The following EMC2 variants were observed in gnomAD, a reference collection of about 807,000 sequenced individuals.
The protein encoded by EMC2 is ER membrane protein complex subunit 2, also known as TPR repeat protein 35.
In EMC2, 37 loss-of-function variants were observed where a neutral mutation model predicts 51.6. The observed-to-expected ratio is 0.72, with a 90% CI of 0.55 to 0.94. EMC2 has a LOEUF of 0.94. Ranked by LOEUF, EMC2 falls within the 40% of genes least tolerant of loss-of-function variation. The pLI, the probability that EMC2 is intolerant of heterozygous loss-of-function variation, is 0.00. For missense variants in EMC2, 359 were observed against 350.9 expected (o/e 1.02, Z -0.18); for synonymous variants, 131 against 112.4 (o/e 1.17, Z -1.04).
intron 10 of EMC2, among the ~76,000 whole-genome samples, chr8:108,482,833 C>G (rs1221473142): frequency 6.6e-6 from 1 of 152,124 alleles, no homozygotes; most frequent in Non-Finnish European, 1.5e-5. Context: ...ATCCTCCTGT[C>G]TCAGCCTCCC....
At position 108,443,675 on chromosome 8, in the gene EMC2, A is replaced by T. The variant is rs1260677204; in HGVS notation, c.17A>T (p.Glu6Val). 2 of 1,610,014 alleles carry T rather than the reference A, an allele frequency of 1.2e-6. No individual in the cohort carries two copies. The highest frequency in any genetic ancestry group is 4.5e-5 in the East Asian group (2 of 44,718). The stretch of plus-strand genomic sequence containing the variant: ...TCTGGGAAGATGGCGAAGGTCTCAG[A>T]GCTTTACGATGTCACTTGGGAAGGT... MAKVSELYDVTWEEMR... is the reference protein window; with the variant it reads MAKVSVLYDVTWEEMR... The change falls in exon 1 of 11, where the codon GAG becomes GTG. Residue 6 changes from glutamate (E) to valine (V), a missense_variant. By Grantham distance (121) the Glu-to-Val change is moderately radical. Coordinates refer to ENST00000220853, the MANE Select transcript of EMC2 (RefSeq NM_014673.5).
chr8:108,462,976 A>T (rs7014792), intron 5 of EMC2, among the ~76,000 whole-genome samples: 103,682 of 151,768 alleles, frequency 0.68, 35,941 homozygotes, highest in African/African-American at 0.81. Flanking sequence ...TTCATTTCTC[A>T]TCTGATAAAG....
intron 1 of EMC2, among the ~76,000 whole-genome samples, chr8:108,444,123 T>C (rs1445832550): frequency 1.3e-5 from 2 of 152,254 alleles, no homozygotes; most frequent in Non-Finnish European, 2.9e-5. Context: ...ATTACAGCTC[T>C]GTGCAGAAAA....
chr8:108,457,688 C>T (rs747983544), intron 5 of EMC2, among the ~76,000 whole-genome samples: 2 of 152,130 alleles, frequency 1.3e-5, no homozygotes, highest in Non-Finnish European at 2.9e-5. Flanking sequence ...TCAGTCACCT[C>T]CCACTGGGTT....
Position 108,476,827 on chromosome 8 carries a change from A to C in EMC2, c.637A>C (p.Lys213Gln), listed in dbSNP as rs1488583664. Residue 213 changes from lysine to glutamine, a missense_variant, in exon 9 of 11, where the codon AAG becomes CAG. Transcript: ENST00000220853. ...ACTTGAAAACCTCGAACTTTCAAGA[A>C]AGTATTTTGCACAGGCATTGAAACT... ...GGLENLELSR[K>Q]YFAQALKLNN... 1.2e-6 allele frequency: 2 copies of C among 1,608,512 alleles called. No individual in the cohort carries two copies. Among genetic ancestry groups the C allele is most frequent in the Non-Finnish European group, 1.7e-6 (2 of 1,175,674 alleles).
intron 1 of EMC2, among the ~76,000 whole-genome samples, chr8:108,448,486 T>A (rs1219402621): frequency 6.6e-6 from 1 of 152,188 alleles, no homozygotes; most frequent in African/African-American, 2.4e-5. Context: ...CATGCTGTTC[T>A]CATTATAGTG....
At chr8:108,471,112 C>T (rs913221464) in intron 7 of EMC2, 3 of 151,880 alleles carry the variant, frequency 2.0e-5, no homozygotes, top group Non-Finnish European at 4.4e-5. Context: ...CTGCTATACT[C>T]TGAAACAGAT....
intron 7 of EMC2, 26 bp from the exon 8 acceptor site, chr8:108,475,856 A>T: frequency 7.2e-7 from 1 of 1,392,646 alleles, no homozygotes; most frequent in Non-Finnish European, 1.0e-6. Context: ...TTTAAAAATT[A>T]ATTTCTCCTC....
At chr8:108,447,850 G>A (rs1305122890) in intron 1 of EMC2, among the ~76,000 whole-genome samples, 2 of 152,102 alleles carry the variant, frequency 1.3e-5, no homozygotes, top group Non-Finnish European at 2.9e-5. Flanking sequence ...TAAAATGAAA[G>A]TTTTAAGCCA....
chr8:108,470,185 A>C, intron 7 of EMC2, 64 bp downstream of exon 7: 4 of 1,137,748 alleles, frequency 3.5e-6, no homozygotes, highest in South Asian at 1.3e-5. Flanking sequence ...TTCAGAAAGC[A>C]CTGTGGTTTC....
rs536629235 is a variant in EMC2, at chr8:108,487,330, G to T, written c.*732G>T. On this transcript the variant is annotated 3_prime_UTR_variant, in exon 11 of 11. Transcript: ENST00000220853. ...GTAAATTACATGAAAGAATATTAAA[G>T]AATCATAAAGAGTAGGGATTAAAGG... is the stretch of plus-strand genomic sequence containing the variant. 6.6e-6 allele frequency among the ~76,000 whole-genome samples: 1 copy of T among 151,814 alleles called. No individual in the cohort carries two copies. Among genetic ancestry groups the T allele is most frequent in the Admixed American group, 6.6e-5 (1 of 15,256 alleles).
intron 5 of EMC2, among the ~76,000 whole-genome samples, chr8:108,459,396 A>G (rs1819252531): frequency 6.6e-6 from 1 of 152,216 alleles, no homozygotes; most frequent in African/African-American, 2.4e-5. Flanking sequence ...TGGGCAATTT[A>G]CAAAAGAATA....
chr8:108,450,647 G>A (rs149781314), intron 3 of EMC2, among the ~76,000 whole-genome samples, 155 bp downstream of exon 3: 365 of 152,234 alleles, frequency 2.4e-3, no homozygotes, highest in African/African-American at 8.2e-3. Context: ...TTAGGACAAA[G>A]TATCTTATAT....
At chr8:108,464,634 T>C (rs1819423145) in intron 5 of EMC2, among the ~76,000 whole-genome samples, 1 of 152,208 alleles carries the variant, frequency 6.6e-6, no homozygotes, top group Non-Finnish European at 1.5e-5. Context: ...GCTCAGAACA[T>C]GTTTCCATTT....
chr8:108,455,452 C>T (rs1367680058), intron 4 of EMC2, among the ~76,000 whole-genome samples: 2 of 152,040 alleles, frequency 1.3e-5, no homozygotes, highest in Non-Finnish European at 2.9e-5. Context: ...TCTGTTTTTG[C>T]ATCCTGTTTA....
intron 5 of EMC2, among the ~76,000 whole-genome samples, 188 bp from the exon 6 acceptor site, chr8:108,469,638 A>G (rs1243868318): frequency 2.6e-5 from 4 of 152,194 alleles, no homozygotes; most frequent in African/African-American, 9.7e-5. Flanking sequence ...AGCATATGTG[A>G]TTGTTAGAGG....
At chr8:108,482,615 G>A (rs1056257674) in intron 10 of EMC2, among the ~76,000 whole-genome samples, 4 of 133,556 alleles carry the variant, frequency 3.0e-5, no homozygotes, top group Admixed American at 7.5e-5. Flanking sequence ...GAATCTGGTT[G>A]GTTCTGTTGC....
In EMC2 at chr8:108,486,483, T is replaced by C. The variant is rs758552214; in HGVS notation, c.808-29T>C. On this transcript the variant is annotated intron_variant, in intron 10 of 10. Transcript: ENST00000220853. The stretch of plus-strand genomic sequence containing the variant: ...AACCTGCCACTGAAATTGAGCCTAA[T>C]TGAGCTTTTTTTTTTTTTTTTTAAT... 6.2e-6 allele frequency: 9 copies of C among 1,463,316 alleles called. No homozygotes were observed. The African/African-American group carries it at 1.1e-4, about 18-fold the overall frequency. The allele number at this position is 1,463,316 out of a possible 1,614,324, so 90.6% of individuals were successfully genotyped here.
chr8:108,464,887 T>C (rs1485062156), intron 5 of EMC2, among the ~76,000 whole-genome samples: 1 of 152,184 alleles, frequency 6.6e-6, no homozygotes, highest in African/African-American at 2.4e-5. Context: ...TGCCGCATTT[T>C]CCAGGCTTCT....
Sources: gnomAD v4.1 joint callset for allele counts (sites outside exome capture counted in the v4.1 genomes callset) on GRCh38, gnomAD v4.1.1 for gene constraint, MANE v1.5 for transcripts, NCBI Gene and HGNC (gene_info 2026-07-23, HGNC 2026-07-21) for gene names.